ESRRG: variants seen among roughly 807,000 people sequenced by gnomAD.
ESRRG encodes estrogen-related receptor gamma.
In ESRRG, 13 loss-of-function variants were observed where a neutral mutation model predicts 44.0. The ratio of observed to expected loss-of-function variants is 0.30; its 90% CI spans 0.19 to 0.47. The LOEUF (loss-of-function observed/expected upper bound fraction) is 0.47, where lower values mean the gene tolerates loss of function less well. Among genes scored for constraint, ESRRG ranks in the 20% least tolerant of loss-of-function variants. The pLI, the probability that ESRRG is intolerant of heterozygous loss-of-function variation, is 1.00. For missense variants in ESRRG, 395 were observed against 580.6 expected (o/e 0.68, Z 3.29); for synonymous variants, 215 against 214.6 (o/e 1.00, Z -0.02).
At chr1:216,517,734 C>A (rs1352612416) in intron 6 of ESRRG, among the ~76,000 whole-genome samples, 2 of 152,082 alleles carry the variant, frequency 1.3e-5, no homozygotes, top group Admixed American at 6.6e-5. Context: ...TCACTTTGAT[C>A]TTCTGGAGAG....
intron 3 of ESRRG, among the ~76,000 whole-genome samples, chr1:216,572,580 T>A (rs946613023): frequency 5.3e-5 from 8 of 151,972 alleles, no homozygotes; most frequent in African/African-American, 1.7e-4. Flanking sequence ...AAAAAAATTT[T>A]AAAAATTAAA....
Position 216,698,518 on chromosome 1 carries a change from C to CAAA in ESRRG, c.57-21030_57-21028dup, listed in dbSNP as rs34454248. On this transcript the variant is annotated intron_variant, in intron 1 of 6. Coordinates refer to ENST00000408911, the MANE Select transcript of ESRRG (RefSeq NM_001438.4). ...TGGGCGACTGAGCAAGACTCAGTCT[C>CAAA]AAAAAAAAAAAAAAAAAAAAAAATT... is the stretch of plus-strand genomic sequence containing the variant. Among the ~76,000 whole-genome samples, 392 of 73,644 alleles carry CAAA rather than the reference C, an allele frequency of 5.3e-3. 7 individuals are homozygous for CAAA. Among genetic ancestry groups the CAAA allele is most frequent in the East Asian group, 0.047 (108 of 2,298 alleles). The allele number at this position is 73,644 out of a possible 152,430, so 48.3% of individuals were successfully genotyped here.
intron 1 of ESRRG, among the ~76,000 whole-genome samples, chr1:216,700,785 A>G (rs987053199): frequency 5.3e-5 from 8 of 152,184 alleles, no homozygotes; most frequent in Admixed American, 4.6e-4. Flanking sequence ...TTCCTTTAAT[A>G]TCAGAAAATA....
At chr1:216,680,398 A>G (rs571912514) in intron 1 of ESRRG, among the ~76,000 whole-genome samples, 5 of 152,130 alleles carry the variant, frequency 3.3e-5, no homozygotes, top group Admixed American at 2.0e-4. Context: ...CCAGAGCAGA[A>G]ATGTCTTGAA....
chr1:217,120,001 T>A (rs192878697), intron 1 of ESRRG, among the ~76,000 whole-genome samples: 2 of 152,218 alleles, frequency 1.3e-5, no homozygotes, highest in African/African-American at 2.4e-5. Context: ...TAATAATAAG[T>A]AGATGTTGCT....
At chr1:217,003,099 C>T (rs2077259633) in intron 1 of ESRRG, among the ~76,000 whole-genome samples, 1 of 152,112 alleles carries the variant, frequency 6.6e-6, no homozygotes, top group African/African-American at 2.4e-5. Context: ...AATTTCTGAA[C>T]TCAACTAAAC....
intron 2 of ESRRG, chr1:216,805,033 C>T (rs373169297): frequency 2.0e-5 from 3 of 152,174 alleles, no homozygotes; most frequent in African/African-American, 7.2e-5. Context: ...CAACACCACT[C>T]TTGGTATAGC....
intron 1 of ESRRG, among the ~76,000 whole-genome samples, chr1:216,997,301 G>C (rs1053645671): frequency 1.3e-5 from 2 of 152,148 alleles, no homozygotes; most frequent in African/African-American, 4.8e-5. Context: ...GGCCTCTCAA[G>C]AGCTCCTTAA....
chr1:216,832,972 CA>C (rs59196564), intron 2 of ESRRG, among the ~76,000 whole-genome samples: 338 of 138,404 alleles, frequency 2.4e-3, no homozygotes, highest in Middle Eastern at 3.9e-3. Context: ...GGGACTCAGT[CA>C]AAAAAAAAAA....
intron 1 of ESRRG, among the ~76,000 whole-genome samples, chr1:217,105,102 A>G (rs1034121043): frequency 6.6e-6 from 1 of 152,194 alleles, no homozygotes; most frequent in Admixed American, 6.5e-5. Flanking sequence ...AATTTGAGGC[A>G]TGACATCTAT....
intron 5 of ESRRG, among the ~76,000 whole-genome samples, chr1:216,521,963 G>A (rs2046213085): frequency 2.0e-5 from 3 of 152,062 alleles, no homozygotes; most frequent in Admixed American, 6.6e-5. Flanking sequence ...CGACATTTAC[G>A]TGCACGGAAA....
At chr1:216,679,475 A>G (rs1049747025) in intron 1 of ESRRG, among the ~76,000 whole-genome samples, 2 of 152,028 alleles carry the variant, frequency 1.3e-5, no homozygotes, top group Non-Finnish European at 2.9e-5. Context: ...GTGGGCACAT[A>G]CATTATGATC....
Position 217,098,459 on chromosome 1 carries a change from A to C in ESRRG, c.-230+39208T>G, listed in dbSNP as rs1216705624. On this transcript the variant is annotated intron_variant, in intron 1 of 8. Coordinates refer to the ESRRG transcript ENST00000366940. ...AAGAAAGCTTAGCTTGCTCAGGGACAAAGTGGCACATTCCAGTCTCATACT... is the reference window on the plus strand; with the variant it reads ...AAGAAAGCTTAGCTTGCTCAGGGACCAAGTGGCACATTCCAGTCTCATACT... 2.6e-5 allele frequency among the ~76,000 whole-genome samples: 4 copies of C among 152,202 alleles called. No homozygotes were observed. The East Asian group carries it at 7.7e-4, about 29-fold the overall frequency.
At chr1:216,884,324 C>G (rs150237454) in intron 2 of ESRRG, among the ~76,000 whole-genome samples, 1 of 152,358 alleles carries the variant, frequency 6.6e-6, no homozygotes, top group East Asian at 1.9e-4. Flanking sequence ...AAATCAAATT[C>G]ACTCTTTGTT....
intron 2 of ESRRG, among the ~76,000 whole-genome samples, chr1:216,770,186 A>G (rs1049551137): frequency 3.3e-5 from 5 of 152,078 alleles, no homozygotes; most frequent in Admixed American, 1.3e-4. Context: ...TGGTGGGCTA[A>G]TAACTGGAGT....
intron 1 of ESRRG, among the ~76,000 whole-genome samples, chr1:216,996,474 A>G (rs2076392993): frequency 6.6e-6 from 1 of 152,034 alleles, no homozygotes; most frequent in African/African-American, 2.4e-5. Context: ...AAAAAGAAGG[A>G]AAGGGAGAAA....
chr1:217,127,540 A>G (rs182858097), intron 1 of ESRRG, among the ~76,000 whole-genome samples: 94 of 152,372 alleles, frequency 6.2e-4, no homozygotes, highest in African/African-American at 2.1e-3. Context: ...GATTCAATAC[A>G]GAGATTCAGA....
At chr1:216,770,857 C>T (rs1273459753) in intron 2 of ESRRG, among the ~76,000 whole-genome samples, 1 of 152,064 alleles carries the variant, frequency 6.6e-6, no homozygotes, top group East Asian at 1.9e-4. Flanking sequence ...TCCATCTATC[C>T]AACCATGCAT....
intron 2 of ESRRG, among the ~76,000 whole-genome samples, chr1:216,813,616 T>C (rs977325528): frequency 4.6e-5 from 7 of 152,224 alleles, no homozygotes; most frequent in African/African-American, 1.4e-4. Flanking sequence ...GAGCAATGTT[T>C]GGAAGTCATT....
Sources: gnomAD v4.1 joint callset for allele counts (sites outside exome capture counted in the v4.1 genomes callset) on GRCh38, gnomAD v4.1.1 for gene constraint, MANE v1.5 for transcripts, NCBI Gene and HGNC (gene_info 2026-07-23, HGNC 2026-07-21) for gene names.